The following ARHGEF37 variants were observed in gnomAD, a reference collection of about 807,000 sequenced individuals.
The protein encoded by ARHGEF37 is Rho guanine nucleotide exchange factor (GEF) 37.
A neutral mutation model predicts 71.1 loss-of-function variants in ARHGEF37; 55 were observed. The observed-to-expected ratio is 0.77, with a 90% confidence interval of 0.62 to 0.97. The LOEUF is 0.97. Ranked by LOEUF, ARHGEF37 falls within the 50% of genes least tolerant of loss-of-function variation. The probability of loss-of-function intolerance (pLI) is 0.00; values close to 1 mark genes in which losing one functional copy is unlikely to be tolerated. For missense variants in ARHGEF37, 765 were observed against 836.8 expected (o/e 0.91, Z 1.06); for synonymous variants, 327 against 350.6 (o/e 0.93, Z 0.75).
At chr5:149,611,928 A>G (rs1161021535) in intron 4 of ARHGEF37, among the ~76,000 whole-genome samples, 1 of 152,232 alleles carries the variant, frequency 6.6e-6, no homozygotes, top group Non-Finnish European at 1.5e-5. Flanking sequence ...CTTCACTAAG[A>G]AAGGAGAAAT....
intron 1 of ARHGEF37, chr5:149,552,263 G>T (rs367761877): frequency 1.6e-5 from 2 of 128,068 alleles, no homozygotes; most frequent in Admixed American, 8.2e-5. Context: ...TGTTGGTCTT[G>T]TTGAAAACCT....
At chr5:149,563,016 T>C (rs113287886) in intron 1 of ARHGEF37, among the ~76,000 whole-genome samples, 115 of 152,296 alleles carry the variant, frequency 7.6e-4, no homozygotes, top group African/African-American at 2.5e-3. Context: ...TGACTTCCAG[T>C]TGTGCCTGAA....
intron 4 of ARHGEF37, 94 bp downstream of exon 4, chr5:149,609,789 G>A: frequency 6.5e-7 from 1 of 1,532,540 alleles, no homozygotes; most frequent in Non-Finnish European, 8.9e-7. Flanking sequence ...CATTCGTGCT[G>A]CTTCACGAGT....
intron 1 of ARHGEF37, among the ~76,000 whole-genome samples, chr5:149,568,691 A>G (rs993777373): frequency 2.6e-5 from 4 of 151,818 alleles, no homozygotes; most frequent in Non-Finnish European, 4.4e-5. Context: ...TGTGCCTATA[A>G]TCTCAGTTAC....
rs1466541828 is a variant in ARHGEF37 at position 149,634,485 on chromosome 5, A to G, written c.*2294A>G. On this transcript the variant is annotated 3_prime_UTR_variant, in exon 13 of 13. Coordinates refer to ENST00000333677, the MANE Select transcript of ARHGEF37 (RefSeq NM_001001669.3). The stretch of plus-strand genomic sequence containing the variant: ...ATAAAATATACTTGGAACCAAGTCT[A>G]TGTCATGAAGGGAAAATAAAAATGT... The G allele has an allele frequency of 3.3e-5, 5 of 152,678 alleles. No individual in the cohort carries two copies. The highest frequency in any genetic ancestry group is 1.2e-4 in the African/African-American group (5 of 41,462). 9.5% of individuals were successfully genotyped at this position (152,678 alleles called of 1,614,324 possible). A position where few individuals can be genotyped will look rare whatever the true frequency, so the allele number is the denominator to read the frequency against.
intron 3 of ARHGEF37, among the ~76,000 whole-genome samples, chr5:149,607,100 G>A (rs1478397654): frequency 8.6e-5 from 13 of 151,930 alleles, no homozygotes; most frequent in African/African-American, 2.7e-4. Flanking sequence ...ACGGGGTTTC[G>A]CTATGTTGGC....
Position 149,620,441 on chromosome 5 carries a change from C to G in ARHGEF37, c.982C>G (p.His328Asp). The part of the protein sequence containing the change: ...VQYCNLARDL[H>D]LEAFLKFKQR... ...GTATTGCAATTTGGCAAGAGACCTT[C>G]ACCTTGAGGCCTTCCTGAAATTTGT... Residue 328 changes from histidine (H) to aspartate (D), a missense_variant, in exon 8 of 13, where the codon CAC becomes GAC. Physicochemically the swap from His to Asp is moderately conservative, Grantham distance 81. Around this residue, in one of 5 missense-constraint regions of ARHGEF37, gnomAD observed 167 missense variants for 173.3 expected, o/e 0.96. Transcript: ENST00000333677. 2 of 1,610,876 alleles carry G rather than the reference C, an allele frequency of 1.2e-6. No individual in the cohort carries two copies. The highest frequency in any genetic ancestry group is 1.7e-6 in the Non-Finnish European group (2 of 1,178,620).
chr5:149,624,076 C>G lies in ARHGEF37; in HGVS notation c.1400C>G (p.Thr467Arg). 1 of 1,612,040 alleles carries G rather than the reference C, an allele frequency of 6.2e-7. No individual in the cohort carries two copies. Among genetic ancestry groups the G allele is most frequent in the Non-Finnish European group, 8.5e-7 (1 of 1,178,272 alleles). Reference sequence around the variant, plus strand: ...CTGGTGGAGGACGCACTGGGCCGGACGAGTAACCAGCTTCGCTCCTTTCAA... The same window carrying G: ...CTGGTGGAGGACGCACTGGGCCGGAGGAGTAACCAGCTTCGCTCCTTTCAA... ...RKLVEDALGR[T>R]SNQLRSFQET... The change falls in exon 10 of 13, where the codon ACG becomes AGG. Residue 467 changes from threonine to arginine, a missense_variant. Around this residue, in one of 5 missense-constraint regions of ARHGEF37, gnomAD observed 390 missense variants for 407.4 expected, o/e 0.96. Transcript: ENST00000333677.
chr5:149,620,867 C>G (rs1200395572), intron 8 of ARHGEF37, among the ~76,000 whole-genome samples: 1 of 150,982 alleles, frequency 6.6e-6, no homozygotes, highest in African/African-American at 2.4e-5. Context: ...ATTGCCACAT[C>G]TGTAATCTTC....
At chr5:149,621,419 C>T (rs1752534773) in intron 8 of ARHGEF37, among the ~76,000 whole-genome samples, 1 of 151,398 alleles carries the variant, frequency 6.6e-6, no homozygotes, top group Admixed American at 6.6e-5. Context: ...GCCTGGGAGA[C>T]AGAGTGAGAC....
chr5:149,569,703 G>A (rs760553242), intron 1 of ARHGEF37, among the ~76,000 whole-genome samples: 1 of 151,878 alleles, frequency 6.6e-6, no homozygotes, highest in African/African-American at 2.4e-5. Context: ...TGCAACCTCC[G>A]CCTCCCAGGT....
At chr5:149,563,052 C>T (rs935624771) in intron 1 of ARHGEF37, among the ~76,000 whole-genome samples, 5 of 152,104 alleles carry the variant, frequency 3.3e-5, no homozygotes, top group Non-Finnish European at 5.9e-5. Flanking sequence ...GAGTCAGCAC[C>T]CATCTTCATC....
At chr5:149,623,404 A>G (rs1435675414) in intron 9 of ARHGEF37, among the ~76,000 whole-genome samples, 2 of 152,234 alleles carry the variant, frequency 1.3e-5, no homozygotes, top group Non-Finnish European at 2.9e-5. Context: ...AAATTGAATT[A>G]GGCCTGAACC....
Position 149,627,269 on chromosome 5 carries a change from G to A in ARHGEF37, c.1658G>A (p.Gly553Glu), listed in dbSNP as rs1752719206. The A allele has an allele frequency of 6.2e-7, 1 of 1,613,040 alleles. No individual in the cohort carries two copies. Among genetic ancestry groups the A allele is most frequent in the African/African-American group, 1.3e-5 (1 of 74,910 alleles). ...AGCGGCCGCTGGCTGGTGGACACCGGGGGTACGTGAGCCTTTGGGAGCCCT... is the reference window on the plus strand; with the variant it reads ...AGCGGCCGCTGGCTGGTGGACACCGAGGGTACGTGAGCCTTTGGGAGCCCT... ...GNSGRWLVDT[G>E]GHRGYVPAGK... is the part of the protein sequence containing the mutation. The change falls in exon 11 of 13, where the codon GGG (glycine) becomes GAG (glutamate). Residue 553 changes from glycine to glutamate, a missense_variant and splice_region_variant. Coordinates refer to ENST00000333677, the MANE Select transcript of ARHGEF37 (RefSeq NM_001001669.3).
At chr5:149,616,863 T>C (rs1752397987) in intron 5 of ARHGEF37, 97 bp downstream of exon 5, 1 of 1,260,334 alleles carries the variant, frequency 7.9e-7, no homozygotes, top group African/African-American at 1.5e-5. Context: ...GAGAATGTAG[T>C]GGCTTATGTA....
chr5:149,630,482 G>T (rs1752847563), intron 12 of ARHGEF37, among the ~76,000 whole-genome samples: 1 of 152,160 alleles, frequency 6.6e-6, no homozygotes, highest in African/African-American at 2.4e-5. Context: ...GGCTGTGAGT[G>T]CTGCATAGGT....
chr5:149,613,764 CTT>C (rs5872138), intron 4 of ARHGEF37, among the ~76,000 whole-genome samples: 177 of 133,148 alleles, frequency 1.3e-3, no homozygotes, highest in African/African-American at 2.0e-3. Flanking sequence ...ACAGTGTTTT[CTT>C]TTTTTTTTTT....
intron 1 of ARHGEF37, among the ~76,000 whole-genome samples, chr5:149,585,859 T>C (rs1763222076): frequency 6.6e-6 from 1 of 152,234 alleles, no homozygotes; most frequent in Non-Finnish European, 1.5e-5. Flanking sequence ...GGAGTTGCTA[T>C]TCCATACCTG....
Position 149,575,883 on chromosome 5 carries a change from C to T in ARHGEF37, c.-11-21876C>T, listed in dbSNP as rs116032044. Among the ~76,000 whole-genome samples, 712 of 151,470 alleles carry T rather than the reference C, an allele frequency of 4.7e-3. 6 individuals are homozygous for T. Among genetic ancestry groups the T allele is most frequent in the African/African-American group, 0.016 (675 of 41,302 alleles). ...AACAAGGTGAACCCCCTGCCGTCCC[C>T]CCCCTCAAAAAATACAAAAAATTAG... On this transcript the variant is annotated intron_variant, in intron 1 of 2. Transcript: ENST00000505810.
Sources: allele counts gnomAD v4.1 joint callset (sites outside exome capture counted in the v4.1 genomes callset), GRCh38; gene constraint gnomAD v4.1.1; regional missense constraint gnomAD v4.1.1; transcripts MANE v1.5; gene names NCBI Gene and HGNC (gene_info 2026-07-23, HGNC 2026-07-21).